STK31: variants seen among roughly 807,000 people sequenced by gnomAD.
STK31 encodes the protein serine/threonine-protein kinase 31.
Under a neutral mutation model 129.7 loss-of-function variants are expected in STK31, and 89 were observed. That is an observed-to-expected ratio of 0.69 (90% CI 0.58 to 0.82). STK31 has a LOEUF of 0.82. STK31 is among the 40% of genes least tolerant of loss of function. The pLI is 0.00. For missense variants in STK31, 1,187 were observed against 1,176.4 expected, an observed-to-expected ratio of 1.01 and a Z score of -0.13; for synonymous variants, 448 against 395.3, an observed-to-expected ratio of 1.13 and a Z score of -1.58.
intron 6 of STK31, among the ~76,000 whole-genome samples, chr7:23,729,511 GTTTTT>G (rs72476098): frequency 8.2e-6 from 1 of 121,740 alleles, no homozygotes; most frequent in Admixed American, 8.1e-5. Flanking sequence ...GTCTCTTTTT[GTTTTT>G]TTTTTTTTTT....
chr7:23,827,954 A>G (rs1794277464), intron 23 of STK31, among the ~76,000 whole-genome samples: 1 of 151,978 alleles, frequency 6.6e-6, no homozygotes, highest in Non-Finnish European at 1.5e-5. Flanking sequence ...TTCCTCTGGG[A>G]GTTTTGTCTC....
chr7:23,721,367 G>T, intron 4 of STK31: 1 of 897,648 alleles, frequency 1.1e-6, no homozygotes, highest in Non-Finnish European at 1.8e-6. Flanking sequence ...GCAGCGTTGT[G>T]ATTTTTTTCT....
At chr7:23,722,150 G>C (rs1431427584) in intron 4 of STK31, 1 of 152,902 alleles carries the variant, frequency 6.5e-6, no homozygotes, top group East Asian at 1.9e-4. Context: ...TGGAGAAGAG[G>C]CGCTCTGATT....
chr7:23,770,317 G>A (rs992913667), intron 13 of STK31, among the ~76,000 whole-genome samples: 1 of 151,908 alleles, frequency 6.6e-6, no homozygotes, highest in East Asian at 1.9e-4. Flanking sequence ...CAGTGGTTAG[G>A]CTTCTCATTT....
intron 22 of STK31, among the ~76,000 whole-genome samples, chr7:23,805,033 T>C (rs1792610561): frequency 6.6e-6 from 1 of 152,188 alleles, no homozygotes; most frequent in Non-Finnish European, 1.5e-5. Context: ...AGATAAGCTA[T>C]GGCCTGCCAT....
intron 23 of STK31, among the ~76,000 whole-genome samples, chr7:23,828,872 G>T (rs1484541108): frequency 6.6e-6 from 1 of 151,940 alleles, no homozygotes; most frequent in Admixed American, 6.6e-5. Context: ...TTCTTTAGAG[G>T]AATGTTTTTC....
At chr7:23,781,910 C>A (rs1006096130) in intron 16 of STK31, among the ~76,000 whole-genome samples, 2 of 152,080 alleles carry the variant, frequency 1.3e-5, no homozygotes, top group Admixed American at 6.5e-5. Context: ...AACCTAAAGA[C>A]CTTTTCCTTA....
chr7:23,758,451 G>C (rs74655186), intron 10 of STK31, among the ~76,000 whole-genome samples: 1 of 150,008 alleles, frequency 6.7e-6, no homozygotes, highest in Non-Finnish European at 1.5e-5. Context: ...TGTTTTTTTT[G>C]TGTGTGTGTG....
Position 23,832,231 on chromosome 7 carries a change from A to G in STK31, c.2925A>G (p.Pro975=). 1 of 1,614,138 alleles carries G rather than the reference A, an allele frequency of 6.2e-7. No homozygotes were observed. The highest frequency in any genetic ancestry group is 8.5e-7 in the Non-Finnish European group (1 of 1,179,978). The change falls in exon 24 of 24, where the codon CCA becomes CCG. Residue 975 remains proline, a synonymous_variant. Transcript: ENST00000355870. Reference sequence around the variant, plus strand: ...TAAATGCTGAATGTTTCTTGATGCCAAAGGAGCAATCAGTTCCAAACCCAG... The same window carrying G: ...TAAATGCTGAATGTTTCTTGATGCCGAAGGAGCAATCAGTTCCAAACCCAG... ...QVLNAECFLM[P]KEQSVPNPEK... is the part of the protein sequence containing the mutation.
chr7:23,763,045 T>C (rs1240943060), intron 11 of STK31, 122 bp downstream of exon 11: 1 of 815,942 alleles, frequency 1.2e-6, no homozygotes, highest in South Asian at 2.6e-5. Context: ...TCCTGTTTCC[T>C]GAATTCTGAT....
At chr7:23,768,626 G>A (rs1789979582) in intron 11 of STK31, among the ~76,000 whole-genome samples, 1 of 152,032 alleles carries the variant, frequency 6.6e-6, no homozygotes, top group Non-Finnish European at 1.5e-5. Flanking sequence ...TTGGATGATA[G>A]ATACACTAAA....
chr7:23,740,982 A>G (rs1351952556), intron 8 of STK31, among the ~76,000 whole-genome samples: 1 of 152,144 alleles, frequency 6.6e-6, no homozygotes, highest in African/African-American at 2.4e-5. Flanking sequence ...ATTCCCTAGG[A>G]TTGTCCAGTG....
chr7:23,779,094 C>G (rs555867541), intron 15 of STK31, among the ~76,000 whole-genome samples: 2 of 152,222 alleles, frequency 1.3e-5, no homozygotes, highest in East Asian at 1.9e-4. Context: ...ACAGTCAGTC[C>G]CCTCTGCTGC....
intron 8 of STK31, among the ~76,000 whole-genome samples, chr7:23,738,101 A>G (rs911733723): frequency 6.6e-6 from 1 of 151,474 alleles, no homozygotes; most frequent in African/African-American, 2.4e-5. Flanking sequence ...TTGCATATCT[A>G]CCCCCCCACT....
At chr7:23,800,528 C>T (rs1437551626) in intron 22 of STK31, among the ~76,000 whole-genome samples, 1 of 151,878 alleles carries the variant, frequency 6.6e-6, no homozygotes, top group African/African-American at 2.4e-5. Flanking sequence ...TGAACATGTT[C>T]TCACTCATAA....
rs34751124 is a variant in STK31 at position 23,806,901 on chromosome 7, GAAA to G, written c.2761-8224_2761-8222del. On this transcript the variant is annotated intron_variant, in intron 22 of 23. Transcript: ENST00000355870. Reference sequence around the variant, plus strand: ...GGTGACAGAGCAAGACTCCGTCTCAGAAAAAAAAAAAAAAAAAAAAAGAGAGAT... The same window carrying G: ...GGTGACAGAGCAAGACTCCGTCTCAGAAAAAAAAAAAAAAAAAAGAGAGAT... 5.4e-3 allele frequency among the ~76,000 whole-genome samples: 408 copies of G among 75,990 alleles called. 2 individuals carry two copies. Among genetic ancestry groups the G allele is most frequent in the African/African-American group, 0.018 (365 of 20,062 alleles). 49.9% of individuals were successfully genotyped at this position (75,990 alleles called of 152,430 possible).
intron 8 of STK31, among the ~76,000 whole-genome samples, chr7:23,739,194 T>C (rs995804982): frequency 6.6e-5 from 10 of 152,232 alleles, no homozygotes; most frequent in African/African-American, 2.4e-4. Context: ...TGGTATCTCA[T>C]TGTGGTTTTG....
intron 13 of STK31, among the ~76,000 whole-genome samples, chr7:23,770,098 C>T (rs2128103281): frequency 6.6e-6 from 1 of 152,222 alleles, no homozygotes; most frequent in Non-Finnish European, 1.5e-5. Flanking sequence ...GAAGAGACTC[C>T]TTAGAGTTTG....
At chr7:23,717,374 T>G in intron 3 of STK31, 107 bp from the exon 4 acceptor site, 1 of 639,144 alleles carries the variant, frequency 1.6e-6, no homozygotes, top group East Asian at 3.2e-5. Flanking sequence ...TTGATTTAAT[T>G]TCTAATGGCC....
Sources: allele counts gnomAD v4.1 joint callset (sites outside exome capture counted in the v4.1 genomes callset), GRCh38; gene constraint gnomAD v4.1.1; transcripts MANE v1.5; gene names NCBI Gene and HGNC (gene_info 2026-07-23, HGNC 2026-07-21).